Variants in EXT1 observed in about 807,000 individuals in gnomAD.
The protein encoded by EXT1 is exostosin-1.
Under a neutral mutation model 82.5 loss-of-function variants are expected in EXT1, and 20 were observed. The ratio of observed to expected loss-of-function variants is 0.24; its 90% CI spans 0.17 to 0.35. The LOEUF (loss-of-function observed/expected upper bound fraction) is 0.35. EXT1 is among the 10% of genes least tolerant of loss of function. The pLI is 1.00. For missense variants in EXT1, 757 were observed against 936.5 expected (o/e 0.81, Z 2.50); for synonymous variants, 348 against 350.8 (o/e 0.99, Z 0.09).
intron 1 of EXT1, among the ~76,000 whole-genome samples, chr8:117,959,470 A>T (rs910171962): frequency 2.0e-5 from 3 of 152,232 alleles, no homozygotes; most frequent in Non-Finnish European, 2.9e-5. Context: ...GAAGCATACC[A>T]CTAAGGAAGA....
intron 1 of EXT1, among the ~76,000 whole-genome samples, chr8:117,927,185 G>T (rs1454044350): frequency 6.6e-6 from 1 of 152,074 alleles, no homozygotes; most frequent in South Asian, 2.1e-4. Context: ...CTCCCCAGCC[G>T]GCTATCATCT....
intron 1 of EXT1, among the ~76,000 whole-genome samples, chr8:118,093,997 C>T (rs1229996202): frequency 1.3e-5 from 2 of 152,206 alleles, no homozygotes; most frequent in Non-Finnish European, 2.9e-5. Flanking sequence ...CTAAGTGCCC[C>T]TGCACGGTGG....
At chr8:118,091,352 C>T (rs188163271) in intron 1 of EXT1, among the ~76,000 whole-genome samples, 72 of 152,288 alleles carry the variant, frequency 4.7e-4, no homozygotes, top group Non-Finnish European at 7.3e-4. Context: ...CCTACTATTT[C>T]GAACCTCAAG....
rs116224743 is a variant in EXT1, at chr8:118,014,198, G to A, written c.962+95887C>T. Among the ~76,000 whole-genome samples, 1,422 of 152,098 alleles carry A rather than the reference G, an allele frequency of 9.3e-3. 23 individuals are homozygous for A. Among genetic ancestry groups the A allele is most frequent in the African/African-American group, 0.033 (1,360 of 41,476 alleles). ...CAAAGATTTCCCATCTACAAAATGGGGTTAAAGATATTGGTAATAAAATTC... is the reference window on the plus strand; with the variant it reads ...CAAAGATTTCCCATCTACAAAATGGAGTTAAAGATATTGGTAATAAAATTC... On this transcript the variant is annotated intron_variant, in intron 1 of 10. Coordinates refer to ENST00000378204, the MANE Select transcript of EXT1 (RefSeq NM_000127.3).
chr8:118,076,528 C>A (rs976357102), intron 1 of EXT1, among the ~76,000 whole-genome samples: 1 of 152,224 alleles, frequency 6.6e-6, no homozygotes, highest in East Asian at 1.9e-4. Flanking sequence ...CCCCGTAGAA[C>A]ACCTCCTCAA....
chr8:117,900,244 A>C (rs981402566), intron 1 of EXT1, among the ~76,000 whole-genome samples: 1 of 152,224 alleles, frequency 6.6e-6, no homozygotes, highest in African/African-American at 2.4e-5. Context: ...CCAGCGAAGA[A>C]GAGCAATGAT....
chr8:117,809,373 AC>A (rs1823286299), intron 8 of EXT1, among the ~76,000 whole-genome samples: 1 of 151,384 alleles, frequency 6.6e-6, no homozygotes, highest in Non-Finnish European at 1.5e-5. Flanking sequence ...ACAGTGTCTC[AC>A]GCCTATAATC....
At chr8:118,086,742 G>A (rs1308185326) in intron 1 of EXT1, among the ~76,000 whole-genome samples, 1 of 152,070 alleles carries the variant, frequency 6.6e-6, no homozygotes, top group Non-Finnish European at 1.5e-5. Flanking sequence ...GTAAAAAGGG[G>A]TTAGAAATCT....
chr8:117,971,234 T>C (rs1190671208), intron 1 of EXT1, among the ~76,000 whole-genome samples: 3 of 152,194 alleles, frequency 2.0e-5, no homozygotes, highest in Non-Finnish European at 4.4e-5. Flanking sequence ...CCACTCACTG[T>C]AGAAACTGAA....
At chr8:117,975,633 G>A (rs551361564) in intron 1 of EXT1, among the ~76,000 whole-genome samples, 20 of 151,934 alleles carry the variant, frequency 1.3e-4, no homozygotes, top group Admixed American at 1.2e-3. Flanking sequence ...TAACATGCGG[G>A]GCAATGCTTG....
In EXT1 at chr8:117,830,369, CAT is replaced by C. The variant is rs780764936; in HGVS notation, c.1165-22_1165-21del. 94 of 1,613,126 alleles carry C rather than the reference CAT, an allele frequency of 5.8e-5. No individual in the cohort carries two copies. The highest frequency in any genetic ancestry group is 7.5e-5 in the Non-Finnish European group (89 of 1,179,714). On this transcript the variant is annotated intron_variant, in intron 3 of 10. Coordinates refer to ENST00000378204, the MANE Select transcript of EXT1 (RefSeq NM_000127.3). ...AGGAATCTGTAACACAAGGTGAACA[CAT>C]AGGAATTATAACTGTAAAACAAAGA...
chr8:117,961,933 G>A (rs747329434), intron 1 of EXT1, among the ~76,000 whole-genome samples: 15 of 152,138 alleles, frequency 9.9e-5, no homozygotes, highest in Non-Finnish European at 1.9e-4. Context: ...CTATGAACTC[G>A]CCACTTAGTG....
At chr8:118,108,415 G>T (rs139468250) in intron 1 of EXT1, among the ~76,000 whole-genome samples, 3 of 152,100 alleles carry the variant, frequency 2.0e-5, no homozygotes, top group African/African-American at 7.2e-5. Flanking sequence ...ATTCCTGAAA[G>T]GCTATAAGCA....
chr8:118,021,675 G>C (rs1371815336), intron 1 of EXT1, among the ~76,000 whole-genome samples: 1 of 152,140 alleles, frequency 6.6e-6, no homozygotes, highest in African/African-American at 2.4e-5. Flanking sequence ...TCAAGGGTTA[G>C]GGATATTGTC....
chr8:117,895,555 C>G (rs118035041), intron 1 of EXT1, among the ~76,000 whole-genome samples: 1 of 152,126 alleles, frequency 6.6e-6, no homozygotes, highest in South Asian at 2.1e-4. Flanking sequence ...GTCATTAAGA[C>G]CCATCCAGGT....
intron 1 of EXT1, among the ~76,000 whole-genome samples, chr8:118,064,335 C>A (rs558777203): frequency 6.6e-6 from 1 of 152,214 alleles, no homozygotes; most frequent in South Asian, 2.1e-4. Context: ...CCCTAGCTCC[C>A]ACCCCTTGAC....
At chr8:117,896,021 G>T (rs1813329449) in intron 1 of EXT1, among the ~76,000 whole-genome samples, 1 of 152,206 alleles carries the variant, frequency 6.6e-6, no homozygotes, top group Admixed American at 6.5e-5. Context: ...CAGTAATGTT[G>T]TAAAACGTAG....
intron 1 of EXT1, among the ~76,000 whole-genome samples, chr8:118,064,222 C>A (rs575116734): frequency 1.3e-4 from 20 of 152,036 alleles, no homozygotes; most frequent in Middle Eastern, 3.4e-3. Flanking sequence ...GATACATGTG[C>A]AGAATGTGCA....
rs146175299 is a variant in EXT1, at chr8:118,062,306, T to C, written c.962+47779A>G. 5.0e-3 allele frequency among the ~76,000 whole-genome samples: 766 copies of C among 152,310 alleles called. 2 individuals carry two copies. Among genetic ancestry groups the C allele is most frequent in the Middle Eastern group, 0.01 (3 of 294 alleles). On this transcript the variant is annotated intron_variant, in intron 1 of 10. Coordinates refer to ENST00000378204, the MANE Select transcript of EXT1 (RefSeq NM_000127.3). ...GGCCAAGTAAGTTTCAATCTCCGGT[T>C]AGCCTAGAGGTCCAAAGATGAAAAT...
Sources: gnomAD v4.1 joint callset for allele counts (sites outside exome capture counted in the v4.1 genomes callset) on GRCh38, gnomAD v4.1.1 for gene constraint, MANE v1.5 for transcripts, NCBI Gene and HGNC (gene_info 2026-07-23, HGNC 2026-07-21) for gene names.